Variants in MAML3 observed in about 807,000 individuals in gnomAD.
The protein encoded by MAML3 is mastermind-like protein 3.
A neutral mutation model predicts 101.9 loss-of-function variants in MAML3; 27 were observed. That is an observed-to-expected ratio of 0.27 (90% CI 0.20 to 0.37). The LOEUF (loss-of-function observed/expected upper bound fraction) is 0.37, where lower values mean the gene tolerates loss of function less well. MAML3 is among the 10% of genes least tolerant of loss of function. MAML3 has a pLI of 1.00. For synonymous variants in MAML3, 501 were observed against 555.9 expected (o/e 0.90, Z 1.39); for missense variants, 1,316 against 1,444.9 (o/e 0.91, Z 1.45).
At chr4:139,817,398 AT>A (rs1373584911) in intron 2 of MAML3, among the ~76,000 whole-genome samples, 1 of 152,136 alleles carries the variant, frequency 6.6e-6, no homozygotes, top group African/African-American at 2.4e-5. Context: ...CAAAATCCAT[AT>A]GATCCAAATG....
intron 2 of MAML3, among the ~76,000 whole-genome samples, chr4:139,772,595 G>A (rs528284106): frequency 7.5e-4 from 114 of 151,232 alleles, no homozygotes; most frequent in South Asian, 6.6e-3. Flanking sequence ...CACCTGCCTC[G>A]GCCTCCCCAA....
chr4:139,783,064 AGCTCCAGCAGGCATTTT>A (rs1261092404), intron 2 of MAML3, among the ~76,000 whole-genome samples: 3 of 152,182 alleles, frequency 2.0e-5, no homozygotes, highest in African/African-American at 7.2e-5. Flanking sequence ...ATTTAGCTGC[AGCTCCAGCAGGCATTTT>A]GAATGAAGGG....
At chr4:139,908,556 T>A (rs1046680318) in intron 1 of MAML3, among the ~76,000 whole-genome samples, 2 of 152,252 alleles carry the variant, frequency 1.3e-5, no homozygotes, top group African/African-American at 4.8e-5. Context: ...GTATTATGAA[T>A]TCTTCTCAGA....
At chr4:139,838,807 C>T (rs1441376922) in intron 2 of MAML3, among the ~76,000 whole-genome samples, 1 of 152,130 alleles carries the variant, frequency 6.6e-6, no homozygotes, top group Non-Finnish European at 1.5e-5. Context: ...ACACGCACTG[C>T]CACTTTCAAA....
intron 2 of MAML3, among the ~76,000 whole-genome samples, chr4:139,844,683 G>A (rs938545211): frequency 1.3e-5 from 2 of 152,194 alleles, no homozygotes; most frequent in African/African-American, 4.8e-5. Context: ...GCAGCCACAT[G>A]GCTCCTCTTC....
At chr4:139,925,616 G>A (rs1205108034) in intron 1 of MAML3, among the ~76,000 whole-genome samples, 2 of 152,148 alleles carry the variant, frequency 1.3e-5, no homozygotes, top group African/African-American at 4.8e-5. Context: ...AAGGATGAGA[G>A]AATGATAGGA....
intron 2 of MAML3, among the ~76,000 whole-genome samples, chr4:139,819,994 A>G (rs1164804381): frequency 1.3e-5 from 2 of 152,174 alleles, no homozygotes; most frequent in Non-Finnish European, 2.9e-5. Flanking sequence ...GCACTCCAAT[A>G]CCCTACCTCT....
intron 2 of MAML3, among the ~76,000 whole-genome samples, chr4:139,811,809 T>A (rs904490576): frequency 6.6e-6 from 1 of 152,180 alleles, no homozygotes. Context: ...ACATATTAAG[T>A]GTCAGAGAGG....
At chr4:139,800,364 A>C (rs1730583017) in intron 2 of MAML3, among the ~76,000 whole-genome samples, 1 of 152,162 alleles carries the variant, frequency 6.6e-6, no homozygotes, top group African/African-American at 2.4e-5. Context: ...GCAAAGGCAA[A>C]TTTATAAAGA....
At position 140,152,908 on chromosome 4, in the gene MAML3, T is replaced by C. The variant is rs1001936929; in HGVS notation, c.420A>G (p.Gln140=). 23 of 1,612,736 alleles carry C rather than the reference T, an allele frequency of 1.4e-5. No homozygotes were observed. The highest frequency in any genetic ancestry group is 1.9e-5 in the Non-Finnish European group (23 of 1,179,714). The change falls in exon 1 of 5, where the codon CAA becomes CAG. Residue 140 remains glutamine, a synonymous_variant. Coordinates refer to ENST00000509479, the MANE Select transcript of MAML3 (RefSeq NM_018717.5). ...GKQQHPSKPQ[Q]DAEAASAEQR... ...GCTCCGCCGAGGCAGCCTCCGCATC[T>C]TGCTGGGGTTTGCTCGGGTGCTGCT...
intron 1 of MAML3, chr4:140,134,552 C>T (rs1728852141): frequency 5.6e-6 from 2 of 354,570 alleles, no homozygotes; most frequent in Admixed American, 7.7e-5. Flanking sequence ...TATCAGTTCC[C>T]CTTGCAGAGC....
chr4:139,852,684 G>A (rs1340343956), intron 2 of MAML3, among the ~76,000 whole-genome samples: 3 of 151,974 alleles, frequency 2.0e-5, no homozygotes, highest in African/African-American at 7.3e-5. Context: ...CAAAGTGCTG[G>A]GATTACAGGT....
chr4:139,967,884 C>A (rs1373159182), intron 1 of MAML3, among the ~76,000 whole-genome samples: 1 of 151,538 alleles, frequency 6.6e-6, no homozygotes, highest in Non-Finnish European at 1.5e-5. Flanking sequence ...GATACACACC[C>A]TAGGCTCCAC....
chr4:139,755,447 A>G (rs1358090569), intron 2 of MAML3, among the ~76,000 whole-genome samples: 1 of 152,108 alleles, frequency 6.6e-6, no homozygotes, highest in East Asian at 1.9e-4. Context: ...TCTCTACTAA[A>G]TGTACAAAAA....
intron 1 of MAML3, among the ~76,000 whole-genome samples, chr4:139,985,476 T>C (rs1734519851): frequency 1.3e-5 from 2 of 152,236 alleles, no homozygotes; most frequent in Admixed American, 6.5e-5. Flanking sequence ...TCTCACTGTA[T>C]ACAACAAAAG....
chr4:139,725,072 A>G (rs1728411222), intron 4 of MAML3, among the ~76,000 whole-genome samples: 1 of 152,120 alleles, frequency 6.6e-6, no homozygotes, highest in East Asian at 1.9e-4. Flanking sequence ...GGCTCTCTCT[A>G]TTAGAGATGG....
At chr4:139,982,380 A>G (rs1560856417) in intron 1 of MAML3, among the ~76,000 whole-genome samples, 1 of 151,994 alleles carries the variant, frequency 6.6e-6, no homozygotes, top group Admixed American at 6.6e-5. Context: ...TCAGGCTCCT[A>G]TATTTCCCCC....
chr4:139,721,408 T>C (rs901499885), intron 4 of MAML3, among the ~76,000 whole-genome samples: 7 of 152,166 alleles, frequency 4.6e-5, no homozygotes, highest in Non-Finnish European at 7.3e-5. Context: ...AGAAAAATAG[T>C]TTTTTTCCTG....
intron 2 of MAML3, among the ~76,000 whole-genome samples, chr4:139,870,612 G>C (rs574352477): frequency 6.6e-6 from 1 of 152,100 alleles, no homozygotes; most frequent in African/African-American, 2.4e-5. Context: ...GGCTCCCTCT[G>C]TTCTAAATTC....
Sources: allele counts gnomAD v4.1 joint callset (sites outside exome capture counted in the v4.1 genomes callset), GRCh38; gene constraint gnomAD v4.1.1; transcripts MANE v1.5; gene names NCBI Gene and HGNC (gene_info 2026-07-23, HGNC 2026-07-21).